Variants in NRF1 observed in about 807,000 individuals in gnomAD.
NRF1 encodes the protein alpha palindromic-binding protein.
A neutral mutation model predicts 58.5 loss-of-function variants in NRF1; 5 were observed. The observed-to-expected ratio is 0.09, with a 90% CI of 0.04 to 0.18. NRF1 has a LOEUF of 0.18. Ranked by LOEUF, NRF1 falls within the 10% of genes least tolerant of loss-of-function variation. The probability of loss-of-function intolerance (pLI) is 1.00; values close to 1 mark genes in which losing one functional copy is unlikely to be tolerated. For synonymous variants in NRF1, 224 were observed against 246.7 expected (o/e 0.91, Z 0.86); for missense variants, 288 against 657.7 (o/e 0.44, Z 6.15).
At chr7:129,682,085 CAGT>C (rs3042951) in intron 4 of NRF1, among the ~76,000 whole-genome samples, 116,350 of 151,546 alleles carry the variant, frequency 0.77, 46,285 homozygotes, top group South Asian at 0.88. Context: ...CTGTCTCAAT[CAGT>C]TAGTCAGTCA....
intron 1 of NRF1, among the ~76,000 whole-genome samples, chr7:129,647,879 C>G (rs2151071045): frequency 6.6e-6 from 1 of 152,312 alleles, no homozygotes; most frequent in Admixed American, 6.5e-5. Flanking sequence ...AAGGCCACTT[C>G]TAAACTTGAA....
At chr7:129,736,826 G>C (rs1168812741) in intron 10 of NRF1, among the ~76,000 whole-genome samples, 1 of 152,060 alleles carries the variant, frequency 6.6e-6, no homozygotes, top group Admixed American at 6.5e-5. Flanking sequence ...GTATAGCACT[G>C]AGAGTAAAAG....
At chr7:129,631,231 AT>A (rs2151061756) in intron 1 of NRF1, among the ~76,000 whole-genome samples, 1 of 82,676 alleles carries the variant, frequency 1.2e-5, no homozygotes, top group Admixed American at 1.6e-4. Flanking sequence ...AAGGAATTTG[AT>A]TTAATTTTTT....
chr7:129,733,203 C>A (rs1056338529), intron 10 of NRF1, among the ~76,000 whole-genome samples: 4 of 152,184 alleles, frequency 2.6e-5, no homozygotes, highest in Non-Finnish European at 5.9e-5. Flanking sequence ...TGCGGTGGCT[C>A]ACGCCTGTAA....
chr7:129,697,334 G>A (rs796210027), intron 5 of NRF1, among the ~76,000 whole-genome samples: 3 of 151,914 alleles, frequency 2.0e-5, no homozygotes, highest in African/African-American at 7.2e-5. Context: ...ATGAGGTCAG[G>A]AGATCGAGAC....
At chr7:129,717,969 A>G (rs1803230435) in intron 9 of NRF1, among the ~76,000 whole-genome samples, 1 of 152,208 alleles carries the variant, frequency 6.6e-6, no homozygotes, top group South Asian at 2.1e-4. Flanking sequence ...TTTGAGAAAA[A>G]TGTGTTGCCC....
intron 1 of NRF1, among the ~76,000 whole-genome samples, chr7:129,628,333 CT>C (rs1441424378): frequency 6.6e-6 from 1 of 151,628 alleles, no homozygotes; most frequent in East Asian, 1.9e-4. Context: ...CCCTTTTACT[CT>C]CATAAAAATT....
At chr7:129,722,608 C>T (rs552849864) in intron 9 of NRF1, among the ~76,000 whole-genome samples, 10 of 152,260 alleles carry the variant, frequency 6.6e-5, no homozygotes, top group African/African-American at 2.4e-4. Flanking sequence ...CCCCTCATCC[C>T]TGGCATTCCA....
At chr7:129,754,971 G>A (rs1804217898) in intron 10 of NRF1, 47 bp from the exon 11 acceptor site, 2 of 1,494,412 alleles carry the variant, frequency 1.3e-6, no homozygotes, top group Non-Finnish European at 1.8e-6. Flanking sequence ...CAGCATCTGG[G>A]AACTTGAGCC....
chr7:129,743,138 A>T (rs1803887857), intron 10 of NRF1, among the ~76,000 whole-genome samples: 1 of 151,652 alleles, frequency 6.6e-6, no homozygotes, highest in Non-Finnish European at 1.5e-5. Flanking sequence ...TTTTTCTCCA[A>T]GGATTTCATG....
chr7:129,646,494 C>G (rs2151070301), intron 1 of NRF1, among the ~76,000 whole-genome samples: 2 of 152,256 alleles, frequency 1.3e-5, no homozygotes, highest in African/African-American at 4.8e-5. Flanking sequence ...ACTACCACCC[C>G]TAGGTTTGGG....
chr7:129,623,931 A>G (rs1800860056), intron 1 of NRF1, among the ~76,000 whole-genome samples: 2 of 152,236 alleles, frequency 1.3e-5, no homozygotes, highest in African/African-American at 2.4e-5. Flanking sequence ...CTGAGAATAA[A>G]AAGTGCAAAC....
At chr7:129,731,107 A>C (rs1208357203) in intron 10 of NRF1, among the ~76,000 whole-genome samples, 2 of 152,106 alleles carry the variant, frequency 1.3e-5, no homozygotes, top group African/African-American at 4.8e-5. Context: ...CCCTGTTTCT[A>C]CTAAAATACA....
intron 1 of NRF1, among the ~76,000 whole-genome samples, chr7:129,622,349 TGAG>T (rs1215770310): frequency 1.3e-5 from 2 of 152,016 alleles, no homozygotes; most frequent in Non-Finnish European, 1.5e-5. Flanking sequence ...ATTTGAAAAA[TGAG>T]GAGGACAGAA....
intron 10 of NRF1, among the ~76,000 whole-genome samples, chr7:129,744,936 T>TGGCG (rs1554417676): frequency 6.6e-6 from 1 of 152,030 alleles, no homozygotes; most frequent in Non-Finnish European, 1.5e-5. Context: ...GACAGGCACA[T>TGGCG]GGGGGTTCAT....
chr7:129,630,224 C>T (rs1347362101), intron 1 of NRF1: 1 of 152,130 alleles, frequency 6.6e-6, no homozygotes, highest in Non-Finnish European at 1.5e-5. Context: ...TTTCCATAGA[C>T]GTTTGTGAGA....
intron 5 of NRF1, among the ~76,000 whole-genome samples, chr7:129,707,500 G>A (rs1032205026): frequency 2.0e-5 from 3 of 152,148 alleles, no homozygotes; most frequent in African/African-American, 7.2e-5. Context: ...AAAATATTGT[G>A]TGTGAAGATT....
At chr7:129,683,312 T>TGAGAGAGAGAGAGAGA (rs1802367341) in intron 4 of NRF1, among the ~76,000 whole-genome samples, 1 of 141,754 alleles carries the variant, frequency 7.1e-6, no homozygotes. Context: ...TGTGTGTGTG[T>TGAGAGAGAGAGAGAGA]GTGTGTGTGA....
At chr7:129,619,433 T>TACACACAC (rs754223551) in intron 1 of NRF1, among the ~76,000 whole-genome samples, 11 of 65,856 alleles carry the variant, frequency 1.7e-4, no homozygotes, top group Admixed American at 5.8e-4. Context: ...TATATATATA[T>TACACACAC]ACACACACAC....
Sources: gnomAD v4.1 joint callset for allele counts (sites outside exome capture counted in the v4.1 genomes callset) on GRCh38, gnomAD v4.1.1 for gene constraint, MANE v1.5 for transcripts, NCBI Gene and HGNC (gene_info 2026-07-23, HGNC 2026-07-21) for gene names.